The following DNAH14 variants were observed in gnomAD, a reference collection of about 807,000 sequenced individuals.
DNAH14 encodes the protein axonemal beta dynein heavy chain 14.
Under a neutral mutation model 520.9 loss-of-function variants are expected in DNAH14, and 478 were observed. That is an observed-to-expected ratio of 0.92 (90% CI 0.85 to 0.99). DNAH14 has a LOEUF of 0.99. Ranked by LOEUF, DNAH14 falls within the 50% of genes least tolerant of loss-of-function variation. DNAH14 has a pLI of 0.00. For missense variants in DNAH14, 4,831 were observed against 5,234.5 expected (o/e 0.92, Z 2.38); for synonymous variants, 1,581 against 1,757.2 (o/e 0.90, Z 2.51).
chr1:225,151,967 A>G, intron 31 of DNAH14, 38 bp from the exon 32 acceptor site: 1 of 1,503,682 alleles, frequency 6.7e-7, no homozygotes, highest in Non-Finnish European at 9.1e-7. Flanking sequence ...TGGACTAGAG[A>G]AAACAGTGCT....
chr1:224,946,263 A>T (rs2059821925), intron 1 of DNAH14, among the ~76,000 whole-genome samples: 1 of 152,094 alleles, frequency 6.6e-6, no homozygotes, highest in Non-Finnish European at 1.5e-5. Context: ...GCAATGAGAG[A>T]GGCTCTGTGG....
Position 225,240,653 on chromosome 1 carries a change from G to T in DNAH14, c.6579G>T (p.Lys2193Asn). 1 of 1,550,658 alleles carries T rather than the reference G, an allele frequency of 6.4e-7. No individual in the cohort carries two copies. Among genetic ancestry groups the T allele is most frequent in the Non-Finnish European group, 8.7e-7 (1 of 1,146,402 alleles). ...ATAAATTAACAAAAATTATTCAAAAGCTTTTTGTGTTTGCCTTTACTTGGG... is the reference window on the plus strand; with the variant it reads ...ATAAATTAACAAAAATTATTCAAAATCTTTTTGTGTTTGCCTTTACTTGGG... The part of the protein sequence containing the change: ...NPDKLTKIIQ[K>N]LFVFAFTWAF... The change falls in exon 43 of 86, where the codon AAG becomes AAT. Residue 2193 changes from lysine (K) to asparagine (N), a missense_variant. Lys to Asn is a moderately conservative substitution (Grantham distance 94, BLOSUM62 0). Coordinates refer to ENST00000682510, the MANE Select transcript of DNAH14 (RefSeq NM_001367479.1).
rs563632619 is a variant in DNAH14, at chr1:225,226,023, C to T, written c.6440-5050C>T. Among the ~76,000 whole-genome samples, 4 of 152,326 alleles carry T rather than the reference C, an allele frequency of 2.6e-5. No homozygotes were observed. In the South Asian group the frequency reaches 8.3e-4, roughly 32 times the overall value. On this transcript the variant is annotated intron_variant, in intron 41 of 85. Transcript: ENST00000682510. Reference sequence around the variant, plus strand: ...CTGCTCTGGACACAGACACCATTCACTCCAGATAATTTGTTCCTTGATATA... The same window carrying T: ...CTGCTCTGGACACAGACACCATTCATTCCAGATAATTTGTTCCTTGATATA...
intron 12 of DNAH14, 32 bp downstream of exon 12, chr1:225,038,855 A>T (rs1024905435): frequency 7.0e-7 from 1 of 1,432,410 alleles, no homozygotes. Flanking sequence ...ATAAACATAG[A>T]TTTTTTGCTA....
At chr1:225,071,905 G>A (rs534639741) in intron 17 of DNAH14, among the ~76,000 whole-genome samples, 1 of 152,282 alleles carries the variant, frequency 6.6e-6, no homozygotes, top group Non-Finnish European at 1.5e-5. Flanking sequence ...CACGACATGT[G>A]GGGATTATGG....
At position 224,967,436 on chromosome 1, in the gene DNAH14, T is replaced by G; in HGVS notation, c.504T>G (p.Pro168=). The change falls in exon 6 of 86, where the codon CCT becomes CCG. Residue 168 remains proline (P), a synonymous_variant. Transcript: ENST00000682510. ...TATTTTTTTTTTAATCTCAGAAACC[T>G]TTGGAAGATGATGGAGAATTTGTTT... ...IAIQKITLKK[P]LEDDGEFVYC... 6.5e-7 allele frequency: 1 copy of G among 1,546,556 alleles called. No homozygotes were observed. The highest frequency in any genetic ancestry group is 8.7e-7 in the Non-Finnish European group (1 of 1,155,240).
In DNAH14 at chr1:225,388,486, G is replaced by A. The variant is rs1332860320; in HGVS notation, c.13185G>A (p.Gln4395=). ...CCAAAGTGGCTTATACTGCAATACA[G>A]CGTCGGTATGGATAAAAGATGCTTT... The part of the protein sequence containing the change: ...TWAKVAYTAI[Q]RRYMRFVTVW... The change falls in exon 82 of 86, where the codon CAG becomes CAA. Residue 4395 remains glutamine (Q), a synonymous_variant. Coordinates refer to ENST00000682510, the MANE Select transcript of DNAH14 (RefSeq NM_001367479.1). 6.7e-7 allele frequency: 1 copy of A among 1,485,414 alleles called. No individual in the cohort carries two copies. Among genetic ancestry groups the A allele is most frequent in the Non-Finnish European group, 9.1e-7 (1 of 1,094,550 alleles). The allele number at this position is 1,485,414 out of a possible 1,614,324, so 92.0% of individuals were successfully genotyped here.
At chr1:224,933,761 C>T (rs1338127085) in intron 1 of DNAH14, among the ~76,000 whole-genome samples, 1 of 152,028 alleles carries the variant, frequency 6.6e-6, no homozygotes, top group Non-Finnish European at 1.5e-5. Context: ...TCCTTGCACT[C>T]CTGGTATAAA....
At chr1:225,123,810 T>G (rs189846939) in intron 27 of DNAH14, among the ~76,000 whole-genome samples, 196 bp downstream of exon 27, 26 of 152,062 alleles carry the variant, frequency 1.7e-4, no homozygotes, top group African/African-American at 5.8e-4. Flanking sequence ...TGGAGTGCAG[T>G]GGTACAATCT....
At chr1:225,035,509 G>GT (rs60032862) in intron 11 of DNAH14, among the ~76,000 whole-genome samples, 9,459 of 146,334 alleles carry the variant, frequency 0.065, 512 homozygotes, top group East Asian at 0.24. Context: ...GTTTTTTTTT[G>GT]TTTTTTTTTG....
chr1:225,316,667 C>G (rs2094473025), intron 60 of DNAH14, among the ~76,000 whole-genome samples: 1 of 152,160 alleles, frequency 6.6e-6, no homozygotes, highest in Admixed American at 6.5e-5. Flanking sequence ...TCAGTTCTCC[C>G]TCCATGGGCT....
intron 60 of DNAH14, among the ~76,000 whole-genome samples, chr1:225,315,852 CCTGT>C: frequency 6.6e-6 from 1 of 152,330 alleles, no homozygotes; most frequent in South Asian, 2.1e-4. Context: ...CTGGAGCTCT[CCTGT>C]CTGTCAATCC....
intron 17 of DNAH14, among the ~76,000 whole-genome samples, chr1:225,054,903 A>G (rs1204725070): frequency 6.6e-6 from 1 of 152,100 alleles, no homozygotes; most frequent in Non-Finnish European, 1.5e-5. Context: ...TCAGTTAATA[A>G]TTATCTTTTA....
chr1:225,266,567 C>T, intron 48 of DNAH14, 74 bp from the exon 49 acceptor site: 2 of 1,175,966 alleles, frequency 1.7e-6, no homozygotes, highest in Non-Finnish European at 1.1e-6. Flanking sequence ...TTACCCCAAC[C>T]ATAATATTCC....
intron 11 of DNAH14, among the ~76,000 whole-genome samples, chr1:225,029,069 C>T (rs1010432031): frequency 5.9e-5 from 9 of 151,894 alleles, no homozygotes; most frequent in African/African-American, 1.9e-4. Flanking sequence ...AAGTGGATAG[C>T]CATGAAATGC....
intron 8 of DNAH14, among the ~76,000 whole-genome samples, chr1:224,988,547 G>A (rs2062813433): frequency 6.6e-6 from 1 of 152,210 alleles, no homozygotes; most frequent in Non-Finnish European, 1.5e-5. Context: ...AACCATTGTG[G>A]AAGATGGTGT....
intron 17 of DNAH14, among the ~76,000 whole-genome samples, chr1:225,065,447 A>AG (rs1294111825): frequency 6.6e-6 from 1 of 151,512 alleles, no homozygotes; most frequent in East Asian, 1.9e-4. Context: ...CTCAAAAAAA[A>AG]AAACCAACAA....
chr1:225,385,465 T>C (rs1370402289), intron 81 of DNAH14, among the ~76,000 whole-genome samples: 4 of 152,194 alleles, frequency 2.6e-5, no homozygotes, highest in Non-Finnish European at 4.4e-5. Flanking sequence ...GACATGATTG[T>C]ATATCTAGAA....
chr1:225,193,345 G>T (rs1018259117), intron 38 of DNAH14, among the ~76,000 whole-genome samples: 1 of 152,078 alleles, frequency 6.6e-6, no homozygotes, highest in Non-Finnish European at 1.5e-5. Flanking sequence ...ACTAGAGATT[G>T]CTGGTAAATA....
Sources: allele counts gnomAD v4.1 joint callset (sites outside exome capture counted in the v4.1 genomes callset), GRCh38; gene constraint gnomAD v4.1.1; transcripts MANE v1.5; gene names NCBI Gene and HGNC (gene_info 2026-07-23, HGNC 2026-07-21).